ARMC3: variants seen among roughly 807,000 people sequenced by gnomAD.
The protein encoded by ARMC3 is armadillo repeat-containing protein 3.
In ARMC3, 74 loss-of-function variants were observed where a neutral mutation model predicts 90.3. The observed-to-expected ratio is 0.82, with a 90% CI of 0.68 to 0.99. ARMC3 has a LOEUF of 0.99. Among genes scored for constraint, ARMC3 ranks in the 50% least tolerant of loss-of-function variants. The pLI, the probability that ARMC3 is intolerant of heterozygous loss-of-function variation, is 0.00. For missense variants in ARMC3, 958 were observed against 1,042.8 expected (o/e 0.92, Z 1.12); for synonymous variants, 334 against 361.8 (o/e 0.92, Z 0.87).
At chr10:22,928,450 G>T (rs1833799941) in intron 1 of ARMC3, among the ~76,000 whole-genome samples, 1 of 151,904 alleles carries the variant, frequency 6.6e-6, no homozygotes, top group African/African-American at 2.4e-5. Context: ...GAACTCATTA[G>T]AAAATATTTA....
intron 13 of ARMC3, among the ~76,000 whole-genome samples, chr10:23,004,349 A>G (rs1171789511): frequency 6.6e-6 from 1 of 152,160 alleles, no homozygotes; most frequent in African/African-American, 2.4e-5. Context: ...TAGGAAGCAG[A>G]TATGATCTGC....
chr10:22,947,722 A>T (rs527293109), intron 3 of ARMC3, among the ~76,000 whole-genome samples: 2 of 151,978 alleles, frequency 1.3e-5, no homozygotes, highest in South Asian at 4.1e-4. Flanking sequence ...CTAATATCAA[A>T]TGTTAATAAT....
intron 7 of ARMC3, among the ~76,000 whole-genome samples, chr10:22,965,226 A>G (rs1277893330): frequency 6.6e-6 from 1 of 152,184 alleles, no homozygotes; most frequent in South Asian, 2.1e-4. Context: ...CTCATTTAGC[A>G]TTTCTTACAG....
intron 10 of ARMC3, among the ~76,000 whole-genome samples, chr10:22,990,533 G>A (rs913737342): frequency 6.6e-6 from 1 of 152,176 alleles, no homozygotes; most frequent in Non-Finnish European, 1.5e-5. Context: ...TTATCGGCCA[G>A]GTATTAAGCT....
chr10:23,023,278 A>G (rs1163197229), intron 16 of ARMC3, among the ~76,000 whole-genome samples: 1 of 152,172 alleles, frequency 6.6e-6, no homozygotes, highest in Non-Finnish European at 1.5e-5. Flanking sequence ...AAAAACACGT[A>G]CACTCACTGA....
intron 13 of ARMC3, among the ~76,000 whole-genome samples, chr10:23,005,211 CA>C (rs35706584): frequency 0.25 from 15,083 of 60,716 alleles, 315 homozygotes; most frequent in South Asian, 0.3. Flanking sequence ...AGACTCGTCT[CA>C]AAAAAAAAAA....
At position 22,969,321 on chromosome 10, in the gene ARMC3, G is replaced by T. The variant is rs572973149; in HGVS notation, c.916+832G>T. 4.3e-3 allele frequency among the ~76,000 whole-genome samples: 656 copies of T among 152,220 alleles called. 2 individuals are homozygous for T. The highest frequency in any genetic ancestry group is 7.6e-3 in the Admixed American group (116 of 15,286). ...TTATAGTTTTAATTTATGTATATTT[G>T]GAGTCTTTTATCTAATAAAAGATGT... is the stretch of plus-strand genomic sequence containing the variant. On this transcript the variant is annotated intron_variant, in intron 8 of 18. Coordinates refer to ENST00000298032, the MANE Select transcript of ARMC3 (RefSeq NM_173081.5).
intron 10 of ARMC3, among the ~76,000 whole-genome samples, chr10:22,993,131 G>A (rs1443244930): frequency 1.3e-5 from 2 of 152,180 alleles, no homozygotes; most frequent in African/African-American, 4.8e-5. Flanking sequence ...ACAGATTTCT[G>A]TTCTGCCCAA....
intron 8 of ARMC3, among the ~76,000 whole-genome samples, chr10:22,976,137 A>G (rs537744488): frequency 1.7e-4 from 26 of 152,330 alleles, no homozygotes; most frequent in Admixed American, 5.2e-4. Flanking sequence ...GGAAGGTGAT[A>G]TAAGTTCAGA....
At chr10:23,011,829 A>C (rs1802446375) in intron 16 of ARMC3, among the ~76,000 whole-genome samples, 1 of 152,166 alleles carries the variant, frequency 6.6e-6, no homozygotes, top group Admixed American at 6.5e-5. Context: ...GTGCATTTTC[A>C]GGAGATGCAA....
At chr10:22,978,286 C>G (rs1836025214) in intron 8 of ARMC3, among the ~76,000 whole-genome samples, 1 of 152,164 alleles carries the variant, frequency 6.6e-6, no homozygotes, top group Non-Finnish European at 1.5e-5. Flanking sequence ...CTGGGGAAGG[C>G]CTCAGGAAAC....
Position 22,928,119 on chromosome 10 carries a change from C to T in ARMC3, c.-2+13C>T, listed in dbSNP as rs890055049. 3.3e-5 allele frequency: 5 copies of T among 152,638 alleles called. No homozygotes were observed. Among genetic ancestry groups the T allele is most frequent in the Admixed American group, 2.6e-4 (4 of 15,292 alleles). 9.5% of individuals were successfully genotyped at this position (152,638 alleles called of 1,614,324 possible). On this transcript the variant is annotated intron_variant, in intron 1 of 18. Transcript: ENST00000298032. ...GATCTCCCGGCAGGTAAAGGTAACC[C>T]CGTGGGGTGGGGAGGCCCAAGGCAG...
chr10:22,957,524 G>A (rs1241641683), intron 4 of ARMC3, among the ~76,000 whole-genome samples: 1 of 152,144 alleles, frequency 6.6e-6, no homozygotes, highest in Non-Finnish European at 1.5e-5. Context: ...TCATGGCGGA[G>A]TGCATGACCC....
At chr10:22,997,193 C>T (rs1837010986) in intron 10 of ARMC3, 1 of 152,134 alleles carries the variant, frequency 6.6e-6, no homozygotes, top group Non-Finnish European at 1.5e-5. Context: ...CATTAAAATG[C>T]TCTAATTTTT....
chr10:22,981,498 T>C lies in ARMC3; in HGVS notation c.1069+6T>C, dbSNP rs776664472. The C allele has an allele frequency of 1.9e-6, 3 of 1,613,822 alleles. No homozygotes were observed. Among genetic ancestry groups the C allele is most frequent in the Non-Finnish European group, 2.5e-6 (3 of 1,179,878 alleles). On this transcript the variant is annotated splice_donor_region_variant and intron_variant, in intron 9 of 18. Transcript: ENST00000298032. The stretch of plus-strand genomic sequence containing the variant: ...AGATTTTTTCAATAATCAGGGTAAG[T>C]CAACTGGAAACAATTCTTTTGAGCA...
Position 22,990,444 on chromosome 10 carries a change from C to T in ARMC3, c.1176-7704C>T, listed in dbSNP as rs148854546. On this transcript the variant is annotated intron_variant, in intron 10 of 18. Transcript: ENST00000298032. ...ACACAAGTTTTACAATATGATCTTA[C>T]GTTTCCATGATCTGAAACTCTCTAC... 3.8e-3 allele frequency among the ~76,000 whole-genome samples: 571 copies of T among 152,256 alleles called. 6 individuals carry two copies. The highest frequency in any genetic ancestry group is 6.4e-3 in the Non-Finnish European group (436 of 68,012).
intron 12 of ARMC3, among the ~76,000 whole-genome samples, chr10:23,002,693 T>C (rs1207877435): frequency 6.6e-6 from 1 of 151,522 alleles, no homozygotes; most frequent in Non-Finnish European, 1.5e-5. Context: ...CTCTGCCCCC[T>C]GGGTTCGCAA....
At chr10:23,025,640 C>T (rs1224591730) in intron 16 of ARMC3, among the ~76,000 whole-genome samples, 3 of 151,578 alleles carry the variant, frequency 2.0e-5, no homozygotes, top group South Asian at 2.1e-4. Flanking sequence ...ACATTAGAAA[C>T]AAAAAGAGGT....
chr10:22,981,327 T>C lies in ARMC3; in HGVS notation c.917-13T>C, dbSNP rs781738125. Reference sequence around the variant, plus strand: ...TTAAAATTCTGAATTTTTTTCCCTTTGGTGTATGAAAGCTGAAAATAGAAA... The same window carrying C: ...TTAAAATTCTGAATTTTTTTCCCTTCGGTGTATGAAAGCTGAAAATAGAAA... On this transcript the variant is annotated splice_polypyrimidine_tract_variant and intron_variant, in intron 8 of 18. Coordinates refer to ENST00000298032, the MANE Select transcript of ARMC3 (RefSeq NM_173081.5). 3.2e-5 allele frequency: 50 copies of C among 1,585,200 alleles called. No individual in the cohort carries two copies. The highest frequency in any genetic ancestry group is 3.8e-5 in the Non-Finnish European group (45 of 1,169,580).
Sources: allele counts gnomAD v4.1 joint callset (sites outside exome capture counted in the v4.1 genomes callset), GRCh38; gene constraint gnomAD v4.1.1; transcripts MANE v1.5; gene names NCBI Gene and HGNC (gene_info 2026-07-23, HGNC 2026-07-21).